PHF24: variants seen among roughly 807,000 people sequenced by gnomAD.
PHF24 encodes Galpha inhibitory interacting protein.
Under a neutral mutation model 42.6 loss-of-function variants are expected in PHF24, and 25 were observed. The ratio of observed to expected loss-of-function variants is 0.59; its 90% CI spans 0.43 to 0.82. The LOEUF (loss-of-function observed/expected upper bound fraction) is 0.82. PHF24 is among the 40% of genes least tolerant of loss of function. The pLI is 0.00. For missense variants in PHF24, 470 were observed against 538.1 expected (o/e 0.87, Z 1.25); for synonymous variants, 185 against 204.8 (o/e 0.90, Z 0.83).
At chr9:34,780,670 G>T in the PHF24 span, among the ~76,000 whole-genome samples, 4 of 152,148 alleles carry the variant, frequency 2.6e-5, no homozygotes, top group African/African-American at 9.7e-5. Context: ...AACATTTTGT[G>T]CATCAAAGGA....
chr9:34,943,574 C>T, the PHF24 span, among the ~76,000 whole-genome samples: 1 of 152,162 alleles, frequency 6.6e-6, no homozygotes, highest in Non-Finnish European at 1.5e-5. Context: ...CAGTAGTCCT[C>T]CAAATGTCTA....
chr9:34,892,741 A>G, the PHF24 span: 4 of 463,162 alleles, frequency 8.6e-6, no homozygotes, highest in Non-Finnish European at 1.5e-5. Context: ...CAAAGTTTGA[A>G]GACAGAGATC....
At chr9:34,951,419 A>G in the PHF24 span, among the ~76,000 whole-genome samples, 109 of 152,352 alleles carry the variant, frequency 7.2e-4, no homozygotes, top group Non-Finnish European at 1.4e-3. Context: ...CTCTATAATC[A>G]TAAGTGTCTT....
chr9:34,943,126 CTTGT>C, the PHF24 span, among the ~76,000 whole-genome samples: 1 of 152,144 alleles, frequency 6.6e-6, no homozygotes, highest in African/African-American at 2.4e-5. Context: ...GAGGCTACTG[CTTGT>C]TTAAGCCTGC....
At chr9:34,889,618 A>G in the PHF24 span, 1 of 398,432 alleles carries the variant, frequency 2.5e-6, no homozygotes, top group Admixed American at 4.4e-5. Flanking sequence ...TTGTTATCCA[A>G]GCCAACTTCT....
At chr9:34,938,231 C>G in the PHF24 span, among the ~76,000 whole-genome samples, 1 of 152,216 alleles carries the variant, frequency 6.6e-6, no homozygotes, top group Non-Finnish European at 1.5e-5. Context: ...TTAACTCTTC[C>G]AGGAGACTCC....
chr9:34,943,378 T>C, the PHF24 span, among the ~76,000 whole-genome samples: 1 of 152,186 alleles, frequency 6.6e-6, no homozygotes, highest in Admixed American at 6.5e-5. Flanking sequence ...TATCTAAGTA[T>C]ACCAGTGCAG....
chr9:34,698,364 C>T, the PHF24 span, among the ~76,000 whole-genome samples: 11 of 152,240 alleles, frequency 7.2e-5, 1 homozygote, highest in East Asian at 1.7e-3. Flanking sequence ...TAGGGCATAA[C>T]GTTCCAGAGC....
the PHF24 span, among the ~76,000 whole-genome samples, chr9:34,717,133 A>G: frequency 6.6e-6 from 1 of 152,142 alleles, no homozygotes; most frequent in African/African-American, 2.4e-5. Context: ...GGCCATGTAA[A>G]CATTTTTGGA....
chr9:34,968,688 C>CATGT (rs1826867760), intron 1 of PHF24, among the ~76,000 whole-genome samples: 1 of 152,124 alleles, frequency 6.6e-6, no homozygotes, highest in Non-Finnish European at 1.5e-5. Context: ...TCAGATAGTA[C>CATGT]ATGTATTAAG....
At chr9:34,976,180 A>T in exon 4 of PHF24, 1 of 1,614,044 alleles carries the variant, frequency 6.2e-7, no homozygotes. Flanking sequence ...CTTACTGAGG[A>T]GGAAATGTAT....
At chr9:34,944,551 G>T in the PHF24 span, among the ~76,000 whole-genome samples, 5 of 152,248 alleles carry the variant, frequency 3.3e-5, no homozygotes, top group African/African-American at 1.2e-4. Context: ...GCTCTTACTA[G>T]AGAAGAGTAG....
At chr9:34,944,888 T>TA in the PHF24 span, among the ~76,000 whole-genome samples, 24,386 of 144,620 alleles carry the variant, frequency 0.17, 2,502 homozygotes, top group East Asian at 0.52. Flanking sequence ...ACTTGTCTCT[T>TA]TAAAAAAAAA....
At chr9:34,860,823 C>T in the PHF24 span, among the ~76,000 whole-genome samples, 1 of 151,966 alleles carries the variant, frequency 6.6e-6, no homozygotes, top group African/African-American at 2.4e-5. Context: ...CCACATTAGC[C>T]CTCCTGTTGT....
the PHF24 span, among the ~76,000 whole-genome samples, chr9:34,738,510 C>G: frequency 6.6e-6 from 1 of 152,068 alleles, no homozygotes; most frequent in Non-Finnish European, 1.5e-5. Context: ...GCCACCATGC[C>G]CGGCTAATTG....
the PHF24 span, chr9:34,689,678 C>T: frequency 1.1e-6 from 1 of 925,630 alleles, no homozygotes; most frequent in African/African-American, 1.6e-5. This position sits in a 1 kb window ranked among gnomAD's most constrained non-coding sequence, Gnocchi z 4.1. Flanking sequence ...TCACACACAC[C>T]CCAGGCCCTG....
the PHF24 span, among the ~76,000 whole-genome samples, chr9:34,672,626 A>C: frequency 3.3e-5 from 5 of 152,016 alleles, no homozygotes; most frequent in African/African-American, 1.2e-4. Flanking sequence ...GAGGGGGCTG[A>C]GTGTCCTAGC....
At chr9:34,954,825 A>T (rs142565850), upstream of PHF24, among the ~76,000 whole-genome samples, 28 of 152,356 alleles carry the variant, frequency 1.8e-4, 1 homozygote, top group East Asian at 5.4e-3. Context: ...ATTGCACTCC[A>T]GCCTGCATGA....
chr9:34,915,098 T>C, the PHF24 span, among the ~76,000 whole-genome samples: 1 of 137,514 alleles, frequency 7.3e-6, no homozygotes, highest in Admixed American at 8.0e-5. Context: ...AGTGGCACGA[T>C]CACAGCTCAC....
Sources: gnomAD v4.1 joint callset for allele counts (sites outside exome capture counted in the v4.1 genomes callset) on GRCh38, gnomAD v4.1.1 for gene constraint, Gnocchi (gnomAD v3.1) non-coding constraint, MANE v1.5 for transcripts, NCBI Gene and HGNC (gene_info 2026-07-23, HGNC 2026-07-21) for gene names.